The following MTRR variants were observed in gnomAD, a reference collection of about 807,000 sequenced individuals.
MTRR encodes methionine synthase reductase.
In MTRR, 63 loss-of-function variants were observed where a neutral mutation model predicts 79.2. The observed-to-expected ratio is 0.80, with a 90% CI of 0.65 to 0.98. The LOEUF (loss-of-function observed/expected upper bound fraction) is 0.98, where lower values mean the gene tolerates loss of function less well. Among genes scored for constraint, MTRR ranks in the 50% least tolerant of loss-of-function variants. MTRR has a pLI of 0.00. For missense variants in MTRR, 895 were observed against 839.6 expected (o/e 1.07, Z -0.82); for synonymous variants, 355 against 313.3 (o/e 1.13, Z -1.41).
At chr5:7,874,807 AG>A (rs1561165080) in intron 3 of MTRR, among the ~76,000 whole-genome samples, 1 of 152,162 alleles carries the variant, frequency 6.6e-6, no homozygotes, top group African/African-American at 2.4e-5. Context: ...TATGTACACA[AG>A]TGGACTTGAC....
chr5:7,862,813 T>C (rs3733784), intron 2 of MTRR: 995,204 of 1,601,284 alleles, frequency 0.62, 318,883 homozygotes, highest in Non-Finnish European at 0.66. Flanking sequence ...AAACTCCTTA[T>C]ACTACTTACC....
chr5:7,856,826 A>G (rs1561083826), intron 1 of MTRR: 1 of 151,184 alleles, frequency 6.6e-6, no homozygotes, highest in Non-Finnish European at 1.5e-5. Flanking sequence ...ATTCTATCAA[A>G]TATCTTTCAA....
intron 1 of MTRR, chr5:7,859,271 A>G: frequency 2.5e-6 from 1 of 398,626 alleles, no homozygotes; most frequent in East Asian, 3.7e-5. Context: ...TTTAAATTTT[A>G]CCACAATAAA....
intron 9 of MTRR, chr5:7,890,284 C>A: frequency 1.0e-6 from 1 of 985,312 alleles, no homozygotes. Context: ...TAGGACCTCC[C>A]CAAAATGCTA....
At chr5:7,855,445 G>A (rs1266048228) in intron 1 of MTRR, among the ~76,000 whole-genome samples, 5 of 148,776 alleles carry the variant, frequency 3.4e-5, no homozygotes, top group African/African-American at 7.4e-5. Context: ...AAAAGTTAAA[G>A]AATAGATGAA....
intron 1 of MTRR, among the ~76,000 whole-genome samples, chr5:7,858,085 TGA>T (rs1455981361): frequency 1.3e-5 from 2 of 152,156 alleles, no homozygotes; most frequent in African/African-American, 4.8e-5. Flanking sequence ...ATTGCTGGGT[TGA>T]GTTTCGCACC....
Position 7,852,454 on chromosome 5 carries a change from A to G in MTRR, n.391+869A>G, listed in dbSNP as rs73032306. 2.5e-3 allele frequency among the ~76,000 whole-genome samples: 375 copies of G among 152,032 alleles called. 1 individual carries two copies. Among genetic ancestry groups the G allele is most frequent in the African/African-American group, 8.3e-3 (344 of 41,462 alleles). ...GAAACCCATGTGCCTTCTTTGTCCCACTAACACATCTTTTTGCTCCATGGC... is the reference window on the plus strand; with the variant it reads ...GAAACCCATGTGCCTTCTTTGTCCCGCTAACACATCTTTTTGCTCCATGGC... On this transcript the variant is annotated intron_variant and non_coding_transcript_variant, in intron 1 of 3. Transcript: ENST00000502509.
At chr5:7,883,729 G>A (rs1735966501) in intron 6 of MTRR, among the ~76,000 whole-genome samples, 1 of 152,102 alleles carries the variant, frequency 6.6e-6, no homozygotes, top group Non-Finnish European at 1.5e-5. Context: ...TTCAGGGAAG[G>A]ACTAGGGAAG....
At chr5:7,863,107 A>G in intron 2 of MTRR, 1 of 908,966 alleles carries the variant, frequency 1.1e-6, no homozygotes, top group South Asian at 1.5e-5. Flanking sequence ...CTTTATAGGC[A>G]TGATACTTTT....
intron 9 of MTRR, among the ~76,000 whole-genome samples, chr5:7,890,084 C>G (rs162044): frequency 0.024 from 3,658 of 152,288 alleles, 76 homozygotes; most frequent in African/African-American, 0.048. Flanking sequence ...ACTTTGTCAT[C>G]TCCTTTCCCA....
At chr5:7,868,200 GAAAAAAAAA>G (rs34274545), upstream of MTRR, 186 of 224,906 alleles carry the variant, frequency 8.3e-4, no homozygotes, top group African/African-American at 4.0e-3. Context: ...CGAGTATCTG[GAAAAAAAAA>G]AAAAAAAAAA....
rs34596253 is a variant in MTRR at position 7,852,740 on chromosome 5, G to GT, written n.391+1167dup. Reference sequence around the variant, plus strand: ...CCTCATTAAAGCAGCAGCCAAATATGTTTTTTTTTTTTAAGCCCTTATAAT... The same window carrying GT: ...CCTCATTAAAGCAGCAGCCAAATATGTTTTTTTTTTTTTAAGCCCTTATAAT... On this transcript the variant is annotated intron_variant and non_coding_transcript_variant, in intron 1 of 3. Coordinates refer to the MTRR transcript ENST00000502509. 4.5e-3 allele frequency among the ~76,000 whole-genome samples: 677 copies of GT among 148,830 alleles called. 1 individual carries two copies. The highest frequency in any genetic ancestry group is 6.9e-3 in the African/African-American group (279 of 40,524).
intron 11 of MTRR, 65 bp from the exon 12 acceptor site, chr5:7,895,669 A>C (rs992911476): frequency 6.3e-7 from 1 of 1,590,882 alleles, no homozygotes; most frequent in African/African-American, 1.3e-5. Context: ...AGCAAAGATC[A>C]TCTTGATTAT....
exon 1 of MTRR, chr5:7,851,267 C>T (rs114256766): frequency 2.6e-4 from 105 of 397,194 alleles, no homozygotes; most frequent in African/African-American, 1.7e-3. Flanking sequence ...TCCTTCCTTC[C>T]TCCTCGGGAG....
intron 5 of MTRR, among the ~76,000 whole-genome samples, chr5:7,879,600 A>G (rs1415937385): frequency 6.6e-6 from 1 of 152,186 alleles, no homozygotes. Flanking sequence ...TAAATATGAA[A>G]TAATATACTG....
At position 7,901,098 on chromosome 5, in the gene MTRR, T is replaced by C. The variant is rs571823055; in HGVS notation, c.*1040T>C. ...TTTTGATCCTTTTGAGAAATAAAGA[T>C]CTGAAAGAAATGGCATAATCTTAAA... is the stretch of plus-strand genomic sequence containing the variant. On this transcript the variant is annotated 3_prime_UTR_variant, in exon 15 of 15. Coordinates refer to ENST00000440940, the MANE Select transcript of MTRR (RefSeq NM_002454.3). 6.6e-6 allele frequency: 1 copy of C among 152,298 alleles called. No homozygotes were observed. Among genetic ancestry groups the C allele is most frequent in the African/African-American group, 2.4e-5 (1 of 41,568 alleles). The allele number at this position is 152,298 out of a possible 1,614,324, so 9.4% of individuals were successfully genotyped here.
At chr5:7,869,754 G>A (rs924770734) in intron 1 of MTRR, 2 of 181,392 alleles carry the variant, frequency 1.1e-5, no homozygotes, top group African/African-American at 4.8e-5. Flanking sequence ...CAGGGATGAG[G>A]GGTTGATTGA....
At chr5:7,880,572 G>A (rs1215243929) in intron 5 of MTRR, among the ~76,000 whole-genome samples, 1 of 152,160 alleles carries the variant, frequency 6.6e-6, no homozygotes, top group Non-Finnish European at 1.5e-5. Context: ...ATACGATAGA[G>A]ACCATCCCCT....
chr5:7,887,197 A>G (rs1274243048), intron 8 of MTRR, among the ~76,000 whole-genome samples: 2 of 152,190 alleles, frequency 1.3e-5, no homozygotes, highest in Non-Finnish European at 2.9e-5. Context: ...CTGTAACAGA[A>G]AGCTTCAGGA....
Sources: allele counts gnomAD v4.1 joint callset (sites outside exome capture counted in the v4.1 genomes callset), GRCh38; gene constraint gnomAD v4.1.1; transcripts MANE v1.5; gene names NCBI Gene and HGNC (gene_info 2026-07-23, HGNC 2026-07-21).